Variants in URB1 observed in about 807,000 individuals in gnomAD.
URB1 encodes the protein nucleolar pre-ribosomal-associated protein 1.
In URB1, 197 loss-of-function variants were observed where a neutral mutation model predicts 242.3. That is an observed-to-expected ratio of 0.81 (90% CI 0.72 to 0.91). URB1 has a LOEUF of 0.91. URB1 is among the 40% of genes least tolerant of loss of function. The pLI is 0.00. For missense variants in URB1, 2,721 were observed against 2,860.5 expected, an observed-to-expected ratio of 0.95 and a Z score of 1.11; for synonymous variants, 1,153 against 1,201.8, an observed-to-expected ratio of 0.96 and a Z score of 0.84.
intron 36 of URB1, among the ~76,000 whole-genome samples, 180 bp downstream of exon 36, chr21:32,319,037 T>C (rs974091254): frequency 1.3e-5 from 2 of 152,102 alleles, no homozygotes; most frequent in Non-Finnish European, 2.9e-5. Flanking sequence ...AAAGAGCTAA[T>C]AAAATAGATG....
In URB1 at chr21:32,338,707, C is replaced by A. The variant is rs1159656743; in HGVS notation, c.4510G>T (p.Glu1504Ter). The A allele has an allele frequency of 6.4e-7, 1 of 1,550,838 alleles. No individual in the cohort carries two copies. Among genetic ancestry groups the A allele is most frequent in the Non-Finnish European group, 8.7e-7 (1 of 1,146,902 alleles). Residue 1504 changes from glutamate to a stop codon, truncating the protein, a stop_gained and splice_region_variant, in exon 26 of 39, where the codon GAA (glutamate) becomes TAA (stop). Transcript: ENST00000382751. LOFTEE classifies it high-confidence loss of function. ...GEESPDSQVK[E>*]ALVDLMLTVV... ...TGGAAGGGCTGGGGTGAGGGGTCAC[C>A]TTTTACTTGGCTGTCCGGGCTCTCC... is the stretch of plus-strand genomic sequence containing the variant.
chr21:32,358,750 C>T, intron 14 of URB1, among the ~76,000 whole-genome samples: 1 of 152,166 alleles, frequency 6.6e-6, no homozygotes, highest in East Asian at 1.9e-4. Flanking sequence ...ATCAGCAATG[C>T]CCGAGCCTGT....
chr21:32,337,502 T>C lies in URB1; in HGVS notation c.4523A>G (p.Asp1508Gly), dbSNP rs1226970164. The C allele has an allele frequency of 3.9e-6, 6 of 1,551,298 alleles. No homozygotes were observed. Among genetic ancestry groups the C allele is most frequent in the Non-Finnish European group, 5.2e-6 (6 of 1,146,892 alleles). The change falls in exon 27 of 39, where the codon GAC (aspartate) becomes GGC (glycine). Residue 1508 changes from aspartate (D) to glycine (G), a missense_variant. Asp to Gly is a moderately conservative substitution (Grantham distance 94, BLOSUM62 -1). Coordinates refer to ENST00000382751, the MANE Select transcript of URB1 (RefSeq NM_014825.3). The part of the protein sequence containing the change: ...PDSQVKEALV[D>G]LMLTVVEMCP... ...CATCTCCACCACCGTCAGCATCAGG[T>C]CCACCAGCGCTTCTGCAAGAAAACA...
intron 8 of URB1, among the ~76,000 whole-genome samples, chr21:32,370,877 G>A (rs1025706974): frequency 2.0e-5 from 3 of 152,212 alleles, no homozygotes; most frequent in Non-Finnish European, 4.4e-5. Flanking sequence ...CTTGCTCTAT[G>A]CTCTAACACC....
At position 32,315,090 on chromosome 21, in the gene URB1, G is replaced by A; in HGVS notation, c.6644C>T (p.Ala2215Val). The A allele has an allele frequency of 1.3e-6, 2 of 1,524,954 alleles. No individual in the cohort carries two copies. Among genetic ancestry groups the A allele is most frequent in the Non-Finnish European group, 1.8e-6 (2 of 1,129,250 alleles). The allele number at this position is 1,524,954 out of a possible 1,614,324, so 94.5% of individuals were successfully genotyped here. Residue 2215 changes from alanine (A) to valine (V), a missense_variant, in exon 39 of 39, where the codon GCA becomes GTA. By Grantham distance (64) the Ala-to-Val change is moderately conservative (BLOSUM62 0). Coordinates refer to ENST00000382751, the MANE Select transcript of URB1 (RefSeq NM_014825.3). ...EKDEATQASA[A>V]FLVSLYIKDI... The stretch of plus-strand genomic sequence containing the variant: ...CTTTATGTAGAGAGACACTAGGAAT[G>A]CTGCGGAGGCTGAACAAGAGCAGGG...
Position 32,314,536 on chromosome 21 carries a change from C to G in URB1, c.*382G>C, listed in dbSNP as rs1258203668. On this transcript the variant is annotated 3_prime_UTR_variant, in exon 39 of 39. Transcript: ENST00000382751. ...CGTTTTCATAAAAAAAATCTGATAC[C>G]TTTTGACATTTCAGCTTTAACACAG... 2 of 1,609,018 alleles carry G rather than the reference C, an allele frequency of 1.2e-6. No individual in the cohort carries two copies. Among genetic ancestry groups the G allele is most frequent in the Admixed American group, 1.7e-5 (1 of 60,012 alleles).
At chr21:32,342,470 T>C (rs1344785041) in intron 24 of URB1, among the ~76,000 whole-genome samples, 2 of 152,112 alleles carry the variant, frequency 1.3e-5, no homozygotes, top group Admixed American at 6.5e-5. Context: ...CGTGACTTTT[T>C]TTTTTCTTTT....
rs1285559352 is a variant in URB1 at position 32,319,379 on chromosome 21, G to A, written c.5630C>T (p.Ser1877Phe). Residue 1877 changes from serine to phenylalanine, a missense_variant, in exon 36 of 39, where the codon TCC (serine) becomes TTC (phenylalanine). Physicochemically the swap from Ser to Phe is radical, Grantham distance 155. Coordinates refer to ENST00000382751, the MANE Select transcript of URB1 (RefSeq NM_014825.3). ...LETPLLSNVISLLHTLWVTNL... is the reference protein window; with the variant it reads ...LETPLLSNVIFLLHTLWVTNL... ...GGTCACCCACAGTGTGTGTAGCAAG[G>A]AGATCACATTAGACAGCAGCGGAGT... 3 of 1,545,852 alleles carry A rather than the reference G, an allele frequency of 1.9e-6. No individual in the cohort carries two copies. Among genetic ancestry groups the A allele is most frequent in the Non-Finnish European group, 2.6e-6 (3 of 1,145,068 alleles).
intron 1 of URB1, among the ~76,000 whole-genome samples, chr21:32,389,176 G>A (rs572275437): frequency 9.2e-5 from 14 of 152,146 alleles, no homozygotes; most frequent in Admixed American, 4.6e-4. Flanking sequence ...AATAGTAAAC[G>A]TAAGTATTGA....
chr21:32,386,163 A>G (rs1050238273), intron 1 of URB1, among the ~76,000 whole-genome samples: 52 of 151,990 alleles, frequency 3.4e-4, no homozygotes, highest in South Asian at 1.2e-3. Flanking sequence ...AAAAAAAAAA[A>G]AAAGAAAGAA....
chr21:32,341,422 T>G lies in URB1; in HGVS notation c.4316+44A>C, dbSNP rs748908001. On this transcript the variant is annotated intron_variant, in intron 25 of 38. Coordinates refer to ENST00000382751, the MANE Select transcript of URB1 (RefSeq NM_014825.3). Reference sequence around the variant, plus strand: ...AGAGGCTTTGCATGCTGAACGACATTCACACCTTTACCGAAGGGCACCAAG... The same window carrying G: ...AGAGGCTTTGCATGCTGAACGACATGCACACCTTTACCGAAGGGCACCAAG... The G allele has an allele frequency of 1.0e-5, 16 of 1,539,644 alleles. No homozygotes were observed. The South Asian group carries it at 1.9e-4, about 18-fold the overall frequency.
At chr21:32,332,831 G>C (rs2032912216) in intron 30 of URB1, among the ~76,000 whole-genome samples, 1 of 152,092 alleles carries the variant, frequency 6.6e-6, no homozygotes, top group Non-Finnish European at 1.5e-5. Context: ...GTTTCTCAAT[G>C]TGCGTTACAT....
intron 14 of URB1, among the ~76,000 whole-genome samples, chr21:32,358,697 T>C (rs937266166): frequency 6.6e-6 from 1 of 152,176 alleles, no homozygotes; most frequent in Admixed American, 6.5e-5. Flanking sequence ...TCCAACTAAA[T>C]TATCAAGATC....
rs775788076 is a variant in URB1 at position 32,362,038 on chromosome 21, A to G, written c.1510-17T>C. ...TGGCAAAATCTAAATGGGAAAAAGA[A>G]GCAGAACATTAGTTGTAGTCAACCA... On this transcript the variant is annotated splice_polypyrimidine_tract_variant and intron_variant, in intron 11 of 38. Transcript: ENST00000382751. The G allele has an allele frequency of 2.6e-6, 4 of 1,550,892 alleles. No individual in the cohort carries two copies. The South Asian group carries it at 4.8e-5, about 18-fold the overall frequency.
rs1221973251 is a variant in URB1, at chr21:32,385,524, G to C, written c.282+21C>G. The C allele has an allele frequency of 4.5e-6, 7 of 1,549,344 alleles. No individual in the cohort carries two copies. In the African/African-American group the frequency reaches 9.6e-5, roughly 21 times the overall value. ...CATTAACTTTTCTTCTCTTCATCAA[G>C]CCATGTAAGGAACAACTTACTTCAC... On this transcript the variant is annotated intron_variant, in intron 2 of 38. Coordinates refer to ENST00000382751, the MANE Select transcript of URB1 (RefSeq NM_014825.3).
At position 32,314,464 on chromosome 21, in the gene URB1, C is replaced by T. The variant is rs151156929; in HGVS notation, c.*454G>A. On this transcript the variant is annotated 3_prime_UTR_variant, in exon 39 of 39. Coordinates refer to ENST00000382751, the MANE Select transcript of URB1 (RefSeq NM_014825.3). ...CCTCCCAAAGTGCTGGGATTATAGG[C>T]GTGAGCCACCTCACCTGCTGAAAAA... The T allele has an allele frequency of 3.1e-4, 385 of 1,244,732 alleles. 1 individual carries two copies. Among genetic ancestry groups the T allele is most frequent in the Admixed American group, 4.7e-4 (27 of 57,054 alleles). The allele number at this position is 1,244,732 out of a possible 1,614,324, so 77.1% of individuals were successfully genotyped here. A position where few individuals can be genotyped will look rare whatever the true frequency, so the allele number is the denominator to read the frequency against.
Position 32,325,408 on chromosome 21 carries a change from A to C in URB1, c.4961-19T>G. ...ACAAACTCTGCAGGAAATGAAATAC[A>C]GCATGAAACACACACAATATGATTT... is the stretch of plus-strand genomic sequence containing the variant. On this transcript the variant is annotated intron_variant, in intron 30 of 38. Transcript: ENST00000382751. 1 of 1,542,116 alleles carries C rather than the reference A, an allele frequency of 6.5e-7. No homozygotes were observed. Among genetic ancestry groups the C allele is most frequent in the Non-Finnish European group, 8.8e-7 (1 of 1,139,044 alleles).
At chr21:32,368,836 C>A (rs9984642) in intron 8 of URB1, among the ~76,000 whole-genome samples, 22,345 of 152,030 alleles carry the variant, frequency 0.15, 2,185 homozygotes, top group African/African-American at 0.28. Context: ...GTCCTGCGAT[C>A]TTTCTTCTTT....
In URB1 at chr21:32,328,230, C is replaced by T. The variant is rs1418915172; in HGVS notation, c.4961-2841G>A. The stretch of plus-strand genomic sequence containing the variant: ...TTGGCTCACTGTAACCTCCACCTTA[C>T]GGGTGCAAGCGATTCTTGTGCCTCA... On this transcript the variant is annotated intron_variant, in intron 30 of 38. Coordinates refer to ENST00000382751, the MANE Select transcript of URB1 (RefSeq NM_014825.3). Among the ~76,000 whole-genome samples the T allele has an allele frequency of 7.9e-5, 12 of 152,304 alleles. No homozygotes were observed. In the South Asian group the frequency reaches 8.3e-4, roughly 11 times the overall value.
Sources: gnomAD v4.1 joint callset for allele counts (sites outside exome capture counted in the v4.1 genomes callset) on GRCh38, gnomAD v4.1.1 for gene constraint, MANE v1.5 for transcripts, NCBI Gene and HGNC (gene_info 2026-07-23, HGNC 2026-07-21) for gene names.